The following PIP4K2A variants were observed in gnomAD, a reference collection of about 807,000 sequenced individuals.
The protein encoded by PIP4K2A is phosphatidylinositol-5-phosphate 4-kinase type 2 alpha.
In PIP4K2A, 14 loss-of-function variants were observed where a neutral mutation model predicts 42.9. The observed-to-expected ratio is 0.33, with a 90% CI of 0.22 to 0.51. The LOEUF is 0.51. Among genes scored for constraint, PIP4K2A ranks in the 20% least tolerant of loss-of-function variants. The probability of loss-of-function intolerance (pLI) is 0.97; values close to 1 mark genes in which losing one functional copy is unlikely to be tolerated. For synonymous variants in PIP4K2A, 192 were observed against 192.2 expected (o/e 1.00, Z 0.01); for missense variants, 434 against 519.8 (o/e 0.83, Z 1.61).
chr10:22,691,377 C>T (rs943703462), intron 1 of PIP4K2A, among the ~76,000 whole-genome samples: 1 of 152,144 alleles, frequency 6.6e-6, no homozygotes, highest in African/African-American at 2.4e-5. Flanking sequence ...TATGTTTATT[C>T]TGACTCTTGC....
chr10:22,548,865 G>T (rs1279792347), intron 7 of PIP4K2A, among the ~76,000 whole-genome samples: 1 of 147,444 alleles, frequency 6.8e-6, no homozygotes, highest in African/African-American at 2.5e-5. Context: ...GCGCAACAAA[G>T]CAAGACCCTA....
At chr10:22,609,246 T>C (rs575395327) in intron 2 of PIP4K2A, among the ~76,000 whole-genome samples, 1 of 152,364 alleles carries the variant, frequency 6.6e-6, no homozygotes, top group East Asian at 1.9e-4. Flanking sequence ...ACCTTGGGTC[T>C]TTATTGTTCT....
intron 1 of PIP4K2A, among the ~76,000 whole-genome samples, chr10:22,664,906 GT>G (rs1404891160): frequency 1.3e-5 from 2 of 151,820 alleles, no homozygotes; most frequent in African/African-American, 4.8e-5. Context: ...TTGTTCTTTT[GT>G]CCCCCACTCC....
chr10:22,574,444 G>GTTTTTT (rs765734098), intron 4 of PIP4K2A, among the ~76,000 whole-genome samples: 39 of 142,360 alleles, frequency 2.7e-4, no homozygotes, highest in Admixed American at 9.7e-4. Context: ...TTCATTTTCT[G>GTTTTTT]TTTTTTTTTT....
At chr10:22,664,115 A>ATG (rs1839279077) in intron 1 of PIP4K2A, among the ~76,000 whole-genome samples, 1 of 71,374 alleles carries the variant, frequency 1.4e-5, no homozygotes, top group South Asian at 3.2e-4. Context: ...ATATATATAT[A>ATG]CATATATATA....
At chr10:22,684,514 T>C (rs900789943) in intron 1 of PIP4K2A, among the ~76,000 whole-genome samples, 32 of 152,344 alleles carry the variant, frequency 2.1e-4, no homozygotes, top group African/African-American at 6.7e-4. Context: ...TTCATAATTT[T>C]TAAAAATATA....
rs896176288 is a variant in PIP4K2A at position 22,540,080 on chromosome 10, G to A, written c.1037-6C>T. 2.0e-6 allele frequency: 3 copies of A among 1,481,482 alleles called. No individual in the cohort carries two copies. The highest frequency in any genetic ancestry group is 1.1e-5 in the South Asian group (1 of 88,586). 91.8% of individuals were successfully genotyped at this position (1,481,482 alleles called of 1,614,324 possible). On this transcript the variant is annotated splice_region_variant and splice_polypyrimidine_tract_variant and intron_variant, in intron 8 of 9. Coordinates refer to ENST00000376573, the MANE Select transcript of PIP4K2A (RefSeq NM_005028.5). ...CACCTCCTTCCTAGGCGAGTCTGCA[G>A]AGACAGGAGAGCAATGACTGTGGGA... is the stretch of plus-strand genomic sequence containing the variant.
chr10:22,625,642 G>T (rs1838421749), intron 1 of PIP4K2A, among the ~76,000 whole-genome samples: 1 of 152,176 alleles, frequency 6.6e-6, no homozygotes, highest in Non-Finnish European at 1.5e-5. Context: ...CCAGGTATTT[G>T]TGATACGATC....
chr10:22,657,374 C>T (rs1218283368), intron 1 of PIP4K2A, among the ~76,000 whole-genome samples: 2 of 152,216 alleles, frequency 1.3e-5, no homozygotes, highest in Non-Finnish European at 2.9e-5. Context: ...CTTCCATCAG[C>T]CCTTATCAAA....
intron 2 of PIP4K2A, 130 bp from the exon 3 acceptor site, chr10:22,608,153 C>T: frequency 1.7e-6 from 1 of 577,418 alleles, no homozygotes; most frequent in Non-Finnish European, 3.1e-6. Context: ...AGGTGTGCTT[C>T]CTAGAACCAG....
chr10:22,549,835 T>A (rs928753468), intron 7 of PIP4K2A, among the ~76,000 whole-genome samples: 1 of 36,622 alleles, frequency 2.7e-5, no homozygotes, highest in South Asian at 1.7e-3. Context: ...TGAGAATCCA[T>A]CTCAAAAAAA....
chr10:22,675,794 G>A lies in PIP4K2A; in HGVS notation c.144+38389C>T, dbSNP rs150147460. 3.3e-5 allele frequency among the ~76,000 whole-genome samples: 5 copies of A among 152,284 alleles called. No individual in the cohort carries two copies. The East Asian group carries it at 5.8e-4, about 18-fold the overall frequency. On this transcript the variant is annotated intron_variant, in intron 1 of 9. Transcript: ENST00000376573. ...TAATGCTCAGAGAAGAGGGTCAATG[G>A]CAGGAGGTGCTGAAGCCTGACTAGT...
Position 22,537,078 on chromosome 10 carries a change from T to C in PIP4K2A, c.*123A>G. 1 of 696,138 alleles carries C rather than the reference T, an allele frequency of 1.4e-6. No individual in the cohort carries two copies. 43.1% of individuals were successfully genotyped at this position (696,138 alleles called of 1,614,324 possible). On this transcript the variant is annotated 3_prime_UTR_variant, in exon 10 of 10. Transcript: ENST00000376573. ...CAAATCAGTCATCTTGGCCTGAAGA[T>C]GTAAACAAGGAGGTTTGCTTCCTGC...
chr10:22,618,538 A>G (rs970880827), intron 1 of PIP4K2A, among the ~76,000 whole-genome samples: 13 of 152,218 alleles, frequency 8.5e-5, no homozygotes, highest in Non-Finnish European at 1.8e-4. Context: ...TGTTCTCCAC[A>G]AAGGTTTAAA....
At chr10:22,619,707 G>A (rs1295730669) in intron 1 of PIP4K2A, among the ~76,000 whole-genome samples, 1 of 152,128 alleles carries the variant, frequency 6.6e-6, no homozygotes, top group Non-Finnish European at 1.5e-5. Flanking sequence ...AAAGTGCTGG[G>A]ATTACAGGCA....
At position 22,664,400 on chromosome 10, in the gene PIP4K2A, A is replaced by T. The variant is rs936088728; in HGVS notation, c.144+49783T>A. Among the ~76,000 whole-genome samples the T allele has an allele frequency of 4.7e-5, 7 of 149,840 alleles. No homozygotes were observed. The Admixed American group carries it at 4.7e-4, about 10-fold the overall frequency. ...ATATTTATGTTTCCTGGCTATTTAT[A>T]TTTTTTATCTGTGGTTTTTCCTCTT... On this transcript the variant is annotated intron_variant, in intron 1 of 9. Transcript: ENST00000376573.
chr10:22,574,293 G>T (rs186570023), intron 4 of PIP4K2A, among the ~76,000 whole-genome samples: 1 of 152,144 alleles, frequency 6.6e-6, no homozygotes, highest in African/African-American at 2.4e-5. Flanking sequence ...CCACTGACAC[G>T]TGTGCAATCT....
intron 1 of PIP4K2A, among the ~76,000 whole-genome samples, chr10:22,639,506 A>T (rs1838734728): frequency 6.6e-6 from 1 of 151,808 alleles, no homozygotes. Context: ...GTTCAAATTG[A>T]CTTAAAAATG....
At chr10:22,568,999 T>C (rs748265146) in intron 5 of PIP4K2A, 242 of 1,529,442 alleles carry the variant, frequency 1.6e-4, no homozygotes, top group Non-Finnish European at 2.0e-4. Context: ...TAGCCATTCA[T>C]TAAATGAACT....
Sources: gnomAD v4.1 joint callset for allele counts (sites outside exome capture counted in the v4.1 genomes callset) on GRCh38, gnomAD v4.1.1 for gene constraint, MANE v1.5 for transcripts, NCBI Gene and HGNC (gene_info 2026-07-23, HGNC 2026-07-21) for gene names.